The following SEMA3E variants were observed in gnomAD, a reference collection of about 807,000 sequenced individuals.
The protein encoded by SEMA3E is semaphorin-3E.
In SEMA3E, 49 loss-of-function variants were observed where a neutral mutation model predicts 93.6. The ratio of observed to expected loss-of-function variants is 0.52; its 90% confidence interval spans 0.42 to 0.66. The LOEUF (loss-of-function observed/expected upper bound fraction) is 0.66. Among genes scored for constraint, SEMA3E ranks in the 30% least tolerant of loss-of-function variants. SEMA3E has a pLI of 0.00. For synonymous variants in SEMA3E, 363 were observed against 330.7 expected (o/e 1.10, Z -1.06); for missense variants, 906 against 964.8 (o/e 0.94, Z 0.81).
intron 2 of SEMA3E, among the ~76,000 whole-genome samples, chr7:83,476,460 A>C (rs1243002961): frequency 1.3e-5 from 2 of 152,246 alleles, no homozygotes. Flanking sequence ...CACTCTCTAC[A>C]GTAAAGTTCA....
intron 12 of SEMA3E, among the ~76,000 whole-genome samples, chr7:83,396,434 C>G (rs1462969151): frequency 6.6e-6 from 1 of 151,818 alleles, no homozygotes; most frequent in East Asian, 1.9e-4. Context: ...TCTTTCCATG[C>G]TGGGTAAATA....
At chr7:83,500,998 T>A (rs1790587433) in intron 1 of SEMA3E, among the ~76,000 whole-genome samples, 1 of 152,212 alleles carries the variant, frequency 6.6e-6, no homozygotes, top group Admixed American at 6.5e-5. Context: ...TTAGATAGGA[T>A]TCATTTTACA....
chr7:83,460,489 T>C (rs1290199278), intron 4 of SEMA3E, among the ~76,000 whole-genome samples: 2 of 151,948 alleles, frequency 1.3e-5, no homozygotes, highest in African/African-American at 4.8e-5. Flanking sequence ...GCCGCTCTGA[T>C]TATTTACCCA....
intron 4 of SEMA3E, among the ~76,000 whole-genome samples, chr7:83,459,017 G>A (rs916009615): frequency 6.8e-6 from 1 of 147,044 alleles, no homozygotes; most frequent in Non-Finnish European, 1.5e-5. Flanking sequence ...GTGGGTAAAT[G>A]AAGAAATATT....
chr7:83,580,786 A>G (rs1792503659), intron 1 of SEMA3E, among the ~76,000 whole-genome samples: 2 of 151,968 alleles, frequency 1.3e-5, no homozygotes, highest in South Asian at 4.1e-4. Flanking sequence ...GATAGGGTCT[A>G]TATTATTTTA....
chr7:83,470,507 T>C (rs1306147437), intron 2 of SEMA3E, among the ~76,000 whole-genome samples: 3 of 152,140 alleles, frequency 2.0e-5, no homozygotes, highest in Non-Finnish European at 4.4e-5. Flanking sequence ...GAGTTTGTTA[T>C]ATTACTCAAT....
chr7:83,629,817 T>G (rs1172920138), intron 1 of SEMA3E, among the ~76,000 whole-genome samples: 1 of 152,126 alleles, frequency 6.6e-6, no homozygotes, highest in Admixed American at 6.5e-5. Flanking sequence ...TCACTGGCGT[T>G]CCAGGCACCA....
intron 12 of SEMA3E, 99 bp downstream of exon 12, chr7:83,396,539 C>A (rs1025095580): frequency 2.8e-6 from 2 of 712,080 alleles, no homozygotes; most frequent in Non-Finnish European, 5.0e-6. Context: ...CCACAACATA[C>A]CTGTTAGGGA....
chr7:83,578,942 CAGTT>C (rs1792463456), intron 1 of SEMA3E, among the ~76,000 whole-genome samples: 1 of 152,082 alleles, frequency 6.6e-6, no homozygotes, highest in South Asian at 2.1e-4. Context: ...GTTCTGGAAT[CAGTT>C]AGTACCATGA....
intron 1 of SEMA3E, among the ~76,000 whole-genome samples, chr7:83,501,180 C>T (rs954298905): frequency 6.6e-6 from 1 of 152,092 alleles, no homozygotes; most frequent in Admixed American, 6.6e-5. Context: ...ATCATTAATT[C>T]ACATTAAAAT....
chr7:83,615,763 G>A (rs944780877), intron 1 of SEMA3E, among the ~76,000 whole-genome samples: 13 of 152,052 alleles, frequency 8.5e-5, no homozygotes, highest in African/African-American at 3.1e-4. Context: ...CAAGACTAGA[G>A]AGCATTGTCT....
intron 1 of SEMA3E, among the ~76,000 whole-genome samples, chr7:83,582,190 G>A (rs993397000): frequency 9.4e-5 from 14 of 148,428 alleles, no homozygotes; most frequent in African/African-American, 3.5e-4. Context: ...AAATTTAAAT[G>A]TAAAAATAAA....
At chr7:83,373,821 A>C (rs1794781797) in intron 16 of SEMA3E, among the ~76,000 whole-genome samples, 1 of 152,194 alleles carries the variant, frequency 6.6e-6, no homozygotes, top group Non-Finnish European at 1.5e-5. Flanking sequence ...GAAAAAATGG[A>C]AAAAGCATAT....
intron 1 of SEMA3E, among the ~76,000 whole-genome samples, chr7:83,507,789 A>T (rs1026496208): frequency 1.3e-5 from 2 of 151,822 alleles, no homozygotes; most frequent in Non-Finnish European, 2.9e-5. Context: ...CAAAAAAAAT[A>T]AAAAATAAAA....
intron 1 of SEMA3E, among the ~76,000 whole-genome samples, chr7:83,605,684 C>T (rs568600170): frequency 4.6e-5 from 7 of 152,264 alleles, no homozygotes; most frequent in African/African-American, 1.7e-4. Context: ...CCCTCCTTGG[C>T]CTCCCAAAGT....
At chr7:83,634,649 G>A (rs1044336533) in intron 1 of SEMA3E, among the ~76,000 whole-genome samples, 5 of 151,802 alleles carry the variant, frequency 3.3e-5, no homozygotes, top group East Asian at 1.9e-4. Flanking sequence ...TATTACAAGC[G>A]AATTTTGCTT....
rs772083253 is a variant in SEMA3E, at chr7:83,407,103, G to A, written c.807C>T (p.Leu269=). 3 of 1,613,426 alleles carry A rather than the reference G, an allele frequency of 1.9e-6. No homozygotes were observed. The highest frequency in any genetic ancestry group is 2.5e-6 in the Non-Finnish European group (3 of 1,179,726). Residue 269 remains leucine, a synonymous_variant, in exon 7 of 17, where the codon CTC becomes CTT. Coordinates refer to ENST00000643230, the MANE Select transcript of SEMA3E (RefSeq NM_012431.3). The stretch of plus-strand genomic sequence containing the variant: ...ATGAGAGAGAAAGCCTCACCACACA[G>A]AGTCGCCCGACCCTGGTGTAAATTG... ...AHAIYTRVGR[L]CVNDVGGQRI...
At chr7:83,491,731 G>C (rs1319277468) in intron 1 of SEMA3E, among the ~76,000 whole-genome samples, 2 of 151,982 alleles carry the variant, frequency 1.3e-5, no homozygotes, top group Non-Finnish European at 2.9e-5. Flanking sequence ...TGAATGAAGA[G>C]TATTAGCAAA....
At chr7:83,507,741 C>A (rs7781032) in intron 1 of SEMA3E, among the ~76,000 whole-genome samples, 1 of 151,360 alleles carries the variant, frequency 6.6e-6, no homozygotes, top group Non-Finnish European at 1.5e-5. Flanking sequence ...AGTTCCAGAC[C>A]AGCTTGGGCA....
Sources: gnomAD v4.1 joint callset for allele counts (sites outside exome capture counted in the v4.1 genomes callset) on GRCh38, gnomAD v4.1.1 for gene constraint, MANE v1.5 for transcripts, NCBI Gene and HGNC (gene_info 2026-07-23, HGNC 2026-07-21) for gene names.